Variants in FSD2 observed in about 807,000 individuals in gnomAD.
The protein encoded by FSD2 is fibronectin type III and SPRY domain-containing protein 2.
In FSD2, 71 loss-of-function variants were observed where a neutral mutation model predicts 80.4. The ratio of observed to expected loss-of-function variants is 0.88; its 90% CI spans 0.73 to 1.08. The LOEUF (loss-of-function observed/expected upper bound fraction) is 1.08. Ranked by LOEUF, FSD2 falls within the 50% of genes least tolerant of loss-of-function variation. The pLI, the probability that FSD2 is intolerant of heterozygous loss-of-function variation, is 0.00. For synonymous variants in FSD2, 361 were observed against 329.5 expected (o/e 1.10, Z -1.03); for missense variants, 923 against 913.8 (o/e 1.01, Z -0.13).
rs866831377 is a variant in FSD2, at chr15:82,766,158, C to T, written c.1554-127G>A. 5.0e-5 allele frequency: 53 copies of T among 1,060,848 alleles called. No homozygotes were observed. In the African/African-American group the frequency reaches 6.9e-4, roughly 14 times the overall value. The allele number at this position is 1,060,848 out of a possible 1,614,324, so 65.7% of individuals were successfully genotyped here. A position where few individuals can be genotyped will look rare whatever the true frequency, so the allele number is the denominator to read the frequency against. On this transcript the variant is annotated intron_variant, in intron 9 of 12. Coordinates refer to ENST00000334574, the MANE Select transcript of FSD2 (RefSeq NM_001007122.4). ...CTCCTGTCCTCTGACCCACATTTAA[C>T]AGCAGCATAGCCAGGAGTGCTGGCT...
chr15:82,765,356 G>A, intron 10 of FSD2, 58 bp from the exon 11 acceptor site: 2 of 1,608,984 alleles, frequency 1.2e-6, no homozygotes, highest in South Asian at 1.1e-5. Flanking sequence ...TCTCCATGTG[G>A]GCGGTGGTCA....
Position 82,765,972 on chromosome 15 carries a change from T to C in FSD2, c.1613A>G (p.Tyr538Cys). The C allele has an allele frequency of 1.2e-6, 2 of 1,603,120 alleles. No individual in the cohort carries two copies. Among genetic ancestry groups the C allele is most frequent in the South Asian group, 2.3e-5 (2 of 88,608 alleles). Residue 538 changes from tyrosine to cysteine, a missense_variant, in exon 10 of 13, where the codon TAC (tyrosine) becomes TGC (cysteine). Transcript: ENST00000334574. The part of the protein sequence containing the change: ...SVVQLQPGRS[Y>C]IIYVRALNMG... Reference sequence around the variant, plus strand: ...ATTGAGGGCTCGCACATAGATAATGTAGCTCCGCCCCGGCTGCAGCTGCAC... The same window carrying C: ...ATTGAGGGCTCGCACATAGATAATGCAGCTCCGCCCCGGCTGCAGCTGCAC...
At chr15:82,782,354 C>A (rs187739781) in intron 4 of FSD2, among the ~76,000 whole-genome samples, 1 of 152,026 alleles carries the variant, frequency 6.6e-6, no homozygotes, top group Admixed American at 6.6e-5. Context: ...GAGCCGAGAT[C>A]GCGCCACTGC....
chr15:82,789,425 T>C (rs369062714), intron 1 of FSD2, among the ~76,000 whole-genome samples: 7 of 151,950 alleles, frequency 4.6e-5, no homozygotes, highest in African/African-American at 1.5e-4. Flanking sequence ...TGAACACTTA[T>C]CGTATGCCTT....
chr15:82,757,112 G>T lies in FSD2; in HGVS notation c.*2236C>A, dbSNP rs2049192501. The T allele has an allele frequency of 6.6e-6, 1 of 152,166 alleles. No individual in the cohort carries two copies. The highest frequency in any genetic ancestry group is 2.4e-5 in the African/African-American group (1 of 41,452). 9.4% of individuals were successfully genotyped at this position (152,166 alleles called of 1,614,324 possible). A position where few individuals can be genotyped will look rare whatever the true frequency, so the allele number is the denominator to read the frequency against. ...GCTCTTTATGCTGAATAATTGTGAT[G>T]CTTGAAGTTGCTAATCTGCTTTAAG... On this transcript the variant is annotated 3_prime_UTR_variant, in exon 13 of 13. Coordinates refer to ENST00000334574, the MANE Select transcript of FSD2 (RefSeq NM_001007122.4).
At chr15:82,776,489 G>T (rs1225144346) in intron 6 of FSD2, among the ~76,000 whole-genome samples, 5 of 152,040 alleles carry the variant, frequency 3.3e-5, no homozygotes, top group Non-Finnish European at 7.4e-5. Flanking sequence ...GTGTTAAAAT[G>T]CATCAAAAAG....
In FSD2 at chr15:82,772,109, G is replaced by GC. The variant is rs1567304384; in HGVS notation, c.1230dup (p.Pro411AlafsTer35). The GC allele has an allele frequency of 1.9e-6, 3 of 1,603,816 alleles. No individual in the cohort carries two copies. The highest frequency in any genetic ancestry group is 2.6e-6 in the Non-Finnish European group (3 of 1,176,082). Reference sequence around the variant, plus strand: ...GTCCCAGGTGAGCTGTCCTGCACTGGCCGGTAGGACAGCTGATAGCTCTCC... The same window carrying GC: ...GTCCCAGGTGAGCTGTCCTGCACTGGCCCGGTAGGACAGCTGATAGCTCTCC... On this transcript the variant is annotated frameshift_variant, in exon 7 of 13. Transcript: ENST00000334574. LOFTEE classifies it high-confidence loss of function.
At chr15:82,772,007 G>A (rs1286370719) in intron 7 of FSD2, 66 bp downstream of exon 7, 5 of 1,428,738 alleles carry the variant, frequency 3.5e-6, no homozygotes, top group Middle Eastern at 2.4e-4. Context: ...AGGAAGACAG[G>A]GCCCAGGCCC....
At chr15:82,784,218 C>G (rs2049941108) in intron 3 of FSD2, among the ~76,000 whole-genome samples, 1 of 151,344 alleles carries the variant, frequency 6.6e-6, no homozygotes, top group Non-Finnish European at 1.5e-5. Context: ...GGCAGAGCAG[C>G]ATGTAAGAAG....
intron 8 of FSD2, 134 bp downstream of exon 8, chr15:82,769,616 A>G: frequency 8.8e-7 from 1 of 1,136,882 alleles, no homozygotes; most frequent in Non-Finnish European, 1.2e-6. Context: ...TTGTGTGTTA[A>G]ATAAAAGAAA....
At chr15:82,797,020 T>TAAA (rs11286584) in intron 1 of FSD2, among the ~76,000 whole-genome samples, 18 of 97,356 alleles carry the variant, frequency 1.8e-4, no homozygotes, top group Non-Finnish European at 2.9e-4. Flanking sequence ...GCTTGGTAAT[T>TAAA]AAAAAAAAAA....
chr15:82,779,369 G>A (rs907473059), intron 5 of FSD2, among the ~76,000 whole-genome samples: 13 of 152,132 alleles, frequency 8.5e-5, no homozygotes, highest in African/African-American at 2.4e-4. Context: ...GGCAGAGGCA[G>A]AATTTGAAAC....
At chr15:82,774,695 G>GA (rs1213830539) in intron 6 of FSD2, among the ~76,000 whole-genome samples, 1 of 150,370 alleles carries the variant, frequency 6.7e-6, no homozygotes, top group Non-Finnish European at 1.5e-5. Flanking sequence ...AAGTTAGAGG[G>GA]AAAAAAATAC....
chr15:82,778,922 A>C, intron 5 of FSD2, 35 bp from the exon 6 acceptor site: 1 of 1,610,430 alleles, frequency 6.2e-7, no homozygotes, highest in Non-Finnish European at 8.5e-7. Flanking sequence ...ACTAGAATGG[A>C]GGGGCATTCT....
chr15:82,785,555 C>T (rs2049975337), intron 3 of FSD2, among the ~76,000 whole-genome samples: 1 of 152,132 alleles, frequency 6.6e-6, no homozygotes, highest in South Asian at 2.1e-4. Flanking sequence ...AACTCCTAAC[C>T]TCAGGTGATC....
In FSD2 at chr15:82,759,595, T is replaced by G; in HGVS notation, c.2003A>C (p.Lys668Thr). The G allele has an allele frequency of 6.4e-7, 1 of 1,566,724 alleles. No homozygotes were observed. Among genetic ancestry groups the G allele is most frequent in the Non-Finnish European group, 8.6e-7 (1 of 1,156,462 alleles). The change falls in exon 13 of 13, where the codon AAG (lysine) becomes ACG (threonine). Residue 668 changes from lysine (K) to threonine (T), a missense_variant. Lys to Thr is a moderately conservative substitution (Grantham distance 78). Transcript: ENST00000334574. ...MRHTFASSRH[K>T]YEFLHNRTTP... Reference sequence around the variant, plus strand: ...TGTTCTGTTGTGCAGAAATTCATACTTATGCCTGAAAATTAAATTTGACAT... The same window carrying G: ...TGTTCTGTTGTGCAGAAATTCATACGTATGCCTGAAAATTAAATTTGACAT...
At position 82,766,622 on chromosome 15, in the gene FSD2, A is replaced by T. The variant is rs538995776; in HGVS notation, c.1554-591T>A. ...CCGAGTGTGGTGGCAGGTGCCTGTA[A>T]TTCCAGCTACTCAGGAGGCTGAGGC... On this transcript the variant is annotated intron_variant, in intron 9 of 12. Transcript: ENST00000334574. Among the ~76,000 whole-genome samples the T allele has an allele frequency of 6.6e-5, 10 of 151,936 alleles. No individual in the cohort carries two copies. In the East Asian group the frequency reaches 1.9e-3, roughly 30 times the overall value.
At position 82,759,302 on chromosome 15, in the gene FSD2, C is replaced by T. The variant is rs374397158; in HGVS notation, c.*46G>A. 212 of 1,593,880 alleles carry T rather than the reference C, an allele frequency of 1.3e-4. No individual in the cohort carries two copies. The East Asian group carries it at 1.6e-3, about 12-fold the overall frequency. ...CAGCCAGCTAAGGCGTGAGCAGCTG[C>T]GAGAGGGGTAGGCATGGAAGACAGG... On this transcript the variant is annotated 3_prime_UTR_variant, in exon 13 of 13. Transcript: ENST00000334574.
In FSD2 at chr15:82,786,914, C is replaced by T. The variant is rs1054216999; in HGVS notation, c.477G>A (p.Glu159=). ...CGGGGATGACATAGCATTCATACTCCTCGCTGGCACGGCCGTGTGTGTACC... is the reference window on the plus strand; with the variant it reads ...CGGGGATGACATAGCATTCATACTCTTCGCTGGCACGGCCGTGTGTGTACC... ...AYRYTHGRAS[E]EYECYVIPEE... The change falls in exon 2 of 13, where the codon GAG becomes GAA. Residue 159 remains glutamate (E), a synonymous_variant. Coordinates refer to ENST00000334574, the MANE Select transcript of FSD2 (RefSeq NM_001007122.4). The T allele has an allele frequency of 3.1e-6, 5 of 1,613,868 alleles. No individual in the cohort carries two copies. In the African/African-American group the frequency reaches 6.7e-5, roughly 22 times the overall value.
Sources: allele counts gnomAD v4.1 joint callset (sites outside exome capture counted in the v4.1 genomes callset), GRCh38; gene constraint gnomAD v4.1.1; transcripts MANE v1.5; gene names NCBI Gene and HGNC (gene_info 2026-07-23, HGNC 2026-07-21).